Variants in UVSSA observed in about 807,000 individuals in gnomAD.
The protein encoded by UVSSA is UV-stimulated scaffold protein A.
Under a neutral mutation model 73.9 loss-of-function variants are expected in UVSSA, and 72 were observed. That is an observed-to-expected ratio of 0.97 (90% CI 0.81 to 1.19). The LOEUF (loss-of-function observed/expected upper bound fraction) is 1.19. UVSSA is among the 50% of genes most tolerant of loss of function. UVSSA has a pLI of 0.00. For synonymous variants in UVSSA, 454 were observed against 391.3 expected, an observed-to-expected ratio of 1.16 and a Z score of -1.89; for missense variants, 1,150 against 965.0, an observed-to-expected ratio of 1.19 and a Z score of -2.54.
intron 7 of UVSSA, among the ~76,000 whole-genome samples, chr4:1,365,619 G>A (rs1274805158): frequency 6.6e-6 from 1 of 152,230 alleles, no homozygotes; most frequent in Non-Finnish European, 1.5e-5. Flanking sequence ...TTGTCAAAAG[G>A]AAATGGAGGT....
chr4:1,348,023 C>A (rs1577267540), intron 1 of UVSSA, 67 bp from the exon 2 acceptor site: 2 of 1,357,916 alleles, frequency 1.5e-6, no homozygotes, highest in East Asian at 2.3e-5. Context: ...CCAGTAAACA[C>A]GTTAATAACA....
chr4:1,366,228 A>C, intron 7 of UVSSA, 92 bp from the exon 8 acceptor site: 1 of 1,027,324 alleles, frequency 9.7e-7, no homozygotes, highest in Non-Finnish European at 1.4e-6. Flanking sequence ...AAAGCTCCAC[A>C]AGAAATAGGA....
chr4:1,355,126 C>G lies in UVSSA; in HGVS notation c.1057C>G (p.Arg353Gly). Residue 353 changes from arginine to glycine, a missense_variant, in exon 7 of 14, where the codon CGC (arginine) becomes GGC (glycine). Arg to Gly is a moderately radical substitution (Grantham distance 125, BLOSUM62 -2). Transcript: ENST00000389851. ...AVCSWIQRFT[R>G]VGTHGGCLKR... ...CACCCCCGTTTCGCAGCGCTTCACC[C>G]GCGTCGGGACCCACGGTGGATGTTT... 3 of 1,613,666 alleles carry G rather than the reference C, an allele frequency of 1.9e-6. No homozygotes were observed. Among genetic ancestry groups the G allele is most frequent in the Non-Finnish European group, 1.7e-6 (2 of 1,179,870 alleles).
intron 3 of UVSSA, among the ~76,000 whole-genome samples, chr4:1,351,209 G>A (rs570506831): frequency 2.6e-5 from 4 of 151,230 alleles, no homozygotes; most frequent in Non-Finnish European, 4.4e-5. Flanking sequence ...GGGACTACAA[G>A]CACCCCCCAC....
chr4:1,349,199 T>G (rs904754415), intron 2 of UVSSA, among the ~76,000 whole-genome samples: 15 of 152,212 alleles, frequency 9.9e-5, no homozygotes, highest in African/African-American at 3.6e-4. Flanking sequence ...ATGATGTAGG[T>G]GGATAGATGG....
chr4:1,371,564 C>T (rs1009953403), intron 8 of UVSSA, among the ~76,000 whole-genome samples: 1 of 152,176 alleles, frequency 6.6e-6, no homozygotes. Context: ...AAGAGGTTTA[C>T]TGGACTTAGC....
At chr4:1,346,816 C>T (rs1713752575), upstream of UVSSA, among the ~76,000 whole-genome samples, 1 of 152,178 alleles carries the variant, frequency 6.6e-6, no homozygotes, top group Admixed American at 6.5e-5. Flanking sequence ...GCCGGCCCCG[C>T]CCCCGGCGCC....
At chr4:1,357,578 G>A (rs1165264930) in intron 7 of UVSSA, among the ~76,000 whole-genome samples, 2 of 152,214 alleles carry the variant, frequency 1.3e-5, no homozygotes, top group African/African-American at 2.4e-5. Flanking sequence ...CTAATTCAGC[G>A]CGGCCACGGT....
chr4:1,364,514 G>A lies in UVSSA; in HGVS notation c.1177-1806G>A, dbSNP rs992127209. ...TTGTCCTTCCTCCCTTCAGGAAACAGCTGCGATCGCAGGCGCCTTTGAGGT... is the reference window on the plus strand; with the variant it reads ...TTGTCCTTCCTCCCTTCAGGAAACAACTGCGATCGCAGGCGCCTTTGAGGT... On this transcript the variant is annotated intron_variant, in intron 7 of 13. Coordinates refer to ENST00000389851, the MANE Select transcript of UVSSA (RefSeq NM_020894.4). 3.9e-5 allele frequency among the ~76,000 whole-genome samples: 6 copies of A among 152,236 alleles called. No individual in the cohort carries two copies. In the East Asian group the frequency reaches 1.2e-3, roughly 29 times the overall value.
At chr4:1,384,070 C>G (rs937937588) in intron 13 of UVSSA, 130 bp downstream of exon 13, 4 of 1,201,080 alleles carry the variant, frequency 3.3e-6, no homozygotes, top group Non-Finnish European at 4.5e-6. Flanking sequence ...TTTGAGTTCC[C>G]CTGGGGGACC....
chr4:1,390,846 G>T (rs1720394089), downstream of UVSSA: 1 of 153,038 alleles, frequency 6.5e-6, no homozygotes. Flanking sequence ...GGTCTGATTG[G>T]TTTGTAGTGT....
At chr4:1,355,855 C>T (rs904032250) in intron 7 of UVSSA, among the ~76,000 whole-genome samples, 5 of 152,110 alleles carry the variant, frequency 3.3e-5, no homozygotes, top group Admixed American at 1.3e-4. Flanking sequence ...CAGAGACCGT[C>T]GCATTGGGTG....
chr4:1,365,339 T>C (rs1174003091), intron 7 of UVSSA, among the ~76,000 whole-genome samples: 1 of 152,218 alleles, frequency 6.6e-6, no homozygotes, highest in Non-Finnish European at 1.5e-5. Context: ...CATGGTGTCT[T>C]GTGCCACAGC....
chr4:1,346,723 G>C (rs1713739269), upstream of UVSSA, among the ~76,000 whole-genome samples: 1 of 152,102 alleles, frequency 6.6e-6, no homozygotes, highest in South Asian at 2.1e-4. Flanking sequence ...GCCCTCTGCA[G>C]GTGAAGGGAC....
chr4:1,361,132 C>T (rs1462894288), intron 7 of UVSSA, among the ~76,000 whole-genome samples: 1 of 152,236 alleles, frequency 6.6e-6, no homozygotes, highest in Non-Finnish European at 1.5e-5. Context: ...AATTTTGCCC[C>T]TAGCCTAGCT....
chr4:1,350,365 G>A (rs940257695), intron 3 of UVSSA, among the ~76,000 whole-genome samples: 3 of 152,086 alleles, frequency 2.0e-5, no homozygotes, highest in Non-Finnish European at 4.4e-5. Flanking sequence ...CACCTGCCAC[G>A]AAGGCTCAGT....
intron 13 of UVSSA, 156 bp downstream of exon 13, chr4:1,384,096 G>A (rs910472034): frequency 1.9e-5 from 18 of 948,210 alleles, no homozygotes; most frequent in African/African-American, 6.7e-5. Context: ...GCCTTTCCCC[G>A]GGGAGGGGCA....
intron 4 of UVSSA, 134 bp from the exon 5 acceptor site, chr4:1,352,890 AGCTGTG>A: frequency 2.5e-6 from 3 of 1,176,938 alleles, no homozygotes; most frequent in Non-Finnish European, 3.5e-6. Context: ...GGCTGGGGTG[AGCTGTG>A]ATTGCACCAC....
chr4:1,369,507 C>T (rs1477305591), intron 8 of UVSSA, among the ~76,000 whole-genome samples: 4 of 152,272 alleles, frequency 2.6e-5, no homozygotes, highest in Non-Finnish European at 5.9e-5. Flanking sequence ...TCTAAATCCA[C>T]ACCACGGAGG....
Sources: allele counts gnomAD v4.1 joint callset (sites outside exome capture counted in the v4.1 genomes callset), GRCh38; gene constraint gnomAD v4.1.1; transcripts MANE v1.5; gene names NCBI Gene and HGNC (gene_info 2026-07-23, HGNC 2026-07-21).